The following KLRD1 variants were observed in gnomAD, a reference collection of about 807,000 sequenced individuals.
KLRD1 encodes the protein natural killer cells antigen CD94.
KLRD1 carries 21 observed loss-of-function variants against 22.6 expected under a neutral mutation model. The observed-to-expected ratio is 0.93, with a 90% confidence interval of 0.66 to 1.34. The LOEUF is 1.34. Ranked by LOEUF, KLRD1 falls within the 40% of genes most tolerant of loss-of-function variation. The pLI is 0.00. For synonymous variants in KLRD1, 59 were observed against 71.1 expected, an observed-to-expected ratio of 0.83 and a Z score of 0.85; for missense variants, 183 against 208.6, an observed-to-expected ratio of 0.88 and a Z score of 0.76.
At position 10,317,416 on chromosome 12, in the gene KLRD1, G is replaced by C. The variant is rs1950256105; in HGVS notation, c.*2623G>C. On this transcript the variant is annotated 3_prime_UTR_variant, in exon 6 of 6. Transcript: ENST00000336164. ...TGAGTCTGCCTTTCTTCATGGTCCA[G>C]GATATGGGCCATGTGCTAAACTATT... The C allele has an allele frequency of 6.6e-6, 1 of 152,294 alleles. No individual in the cohort carries two copies. Among genetic ancestry groups the C allele is most frequent in the South Asian group, 2.1e-4 (1 of 4,820 alleles). 9.4% of individuals were successfully genotyped at this position (152,294 alleles called of 1,614,324 possible).
In KLRD1 at chr12:10,309,840, T is replaced by G. The variant is rs2137696329; in HGVS notation, c.163+152T>G. 1.1e-5 allele frequency: 7 copies of G among 617,394 alleles called. No homozygotes were observed. The East Asian group carries it at 1.9e-4, about 17-fold the overall frequency. 38.2% of individuals were successfully genotyped at this position (617,394 alleles called of 1,614,324 possible). A position where few individuals can be genotyped will look rare whatever the true frequency, so the allele number is the denominator to read the frequency against. On this transcript the variant is annotated intron_variant, in intron 3 of 5. Coordinates refer to ENST00000336164, the MANE Select transcript of KLRD1 (RefSeq NM_002262.5). ...TAGTCTCATTTTACATTGCTCAATCTAATGTAAAAATGATTAAATTACACT... is the reference window on the plus strand; with the variant it reads ...TAGTCTCATTTTACATTGCTCAATCGAATGTAAAAATGATTAAATTACACT...
upstream of KLRD1, among the ~76,000 whole-genome samples, chr12:10,301,524 G>A (rs1024825636): frequency 6.6e-6 from 1 of 152,054 alleles, no homozygotes; most frequent in African/African-American, 2.4e-5. Flanking sequence ...AAATATTTGG[G>A]GCTTGAGAAT....
At chr12:10,306,584 G>GA (rs1333627654), upstream of KLRD1, among the ~76,000 whole-genome samples, 1 of 152,114 alleles carries the variant, frequency 6.6e-6, no homozygotes, top group Non-Finnish European at 1.5e-5. Flanking sequence ...TTACATGGGG[G>GA]AAAAATAGTA....
At chr12:10,271,215 T>A (rs11053722) in intron 1 of KLRD1, among the ~76,000 whole-genome samples, 1 of 152,038 alleles carries the variant, frequency 6.6e-6, no homozygotes. Context: ...TAAAAGTTAC[T>A]TCATCGTGTT....
chr12:10,304,478 T>C (rs1949894455), upstream of KLRD1: 2 of 152,152 alleles, frequency 1.3e-5, no homozygotes, highest in Admixed American at 1.3e-4. Context: ...TGGAGTGCAA[T>C]GGTGCGATCT....
intron 1 of KLRD1, among the ~76,000 whole-genome samples, chr12:10,285,674 A>T (rs1949694785): frequency 6.6e-6 from 1 of 152,198 alleles, no homozygotes; most frequent in Non-Finnish European, 1.5e-5. Flanking sequence ...CATTATCCGA[A>T]GAAAATTCCA....
upstream of KLRD1, among the ~76,000 whole-genome samples, chr12:10,302,148 G>A (rs915983134): frequency 3.3e-5 from 5 of 152,248 alleles, no homozygotes; most frequent in Non-Finnish European, 4.4e-5. Context: ...AAAATGTGAC[G>A]GAGAGACATG....
chr12:10,248,820 A>G (rs1211572538), intron 1 of KLRD1, among the ~76,000 whole-genome samples: 1 of 147,302 alleles, frequency 6.8e-6, no homozygotes, highest in African/African-American at 2.5e-5. Flanking sequence ...CTGGTCTTGA[A>G]CTCCTGACCT....
chr12:10,308,224 C>T (rs559535829), intron 1 of KLRD1, 140 bp downstream of exon 1: 26 of 672,436 alleles, frequency 3.9e-5, no homozygotes, highest in Admixed American at 5.0e-5. Context: ...TTAGCACTTT[C>T]CACATTCATT....
chr12:10,293,225 T>C (rs1188557060), intron 1 of KLRD1, among the ~76,000 whole-genome samples: 1 of 128,196 alleles, frequency 7.8e-6, no homozygotes, highest in East Asian at 2.5e-4. Flanking sequence ...TTTCTTCAAG[T>C]ACTCTTTCTT....
At chr12:10,275,247 T>C (rs573874542) in intron 1 of KLRD1, among the ~76,000 whole-genome samples, 1 of 152,310 alleles carries the variant, frequency 6.6e-6, no homozygotes, top group Non-Finnish European at 1.5e-5. Context: ...GGTACTTTGC[T>C]TGTGTGCTTA....
intron 1 of KLRD1, among the ~76,000 whole-genome samples, chr12:10,275,355 A>G (rs1055636012): frequency 2.6e-5 from 4 of 152,192 alleles, no homozygotes; most frequent in African/African-American, 9.6e-5. Context: ...GTTCTAGAGA[A>G]CATTACAAAT....
At chr12:10,257,159 A>T (rs74062134) in intron 1 of KLRD1, among the ~76,000 whole-genome samples, 4,931 of 63,838 alleles carry the variant, frequency 0.077, 306 homozygotes, top group African/African-American at 0.25. Flanking sequence ...TTTTTTTTTT[A>T]AGATTTGCTG....
At chr12:10,302,085 G>T (rs1949871173), upstream of KLRD1, among the ~76,000 whole-genome samples, 1 of 152,116 alleles carries the variant, frequency 6.6e-6, no homozygotes, top group Non-Finnish European at 1.5e-5. Flanking sequence ...ATCACAGATT[G>T]CCATAAGATA....
At chr12:10,250,632 A>G (rs1032159060) in intron 1 of KLRD1, among the ~76,000 whole-genome samples, 1 of 151,776 alleles carries the variant, frequency 6.6e-6, no homozygotes, top group Non-Finnish European at 1.5e-5. Flanking sequence ...TAATTTTTGT[A>G]TTTGTCCCAA....
chr12:10,277,677 A>T (rs1404794457), intron 1 of KLRD1, among the ~76,000 whole-genome samples: 1 of 152,236 alleles, frequency 6.6e-6, no homozygotes, highest in African/African-American at 2.4e-5. Context: ...ATTAAAATGT[A>T]TTTGAATACA....
At chr12:10,307,457 A>T (rs574966500), upstream of KLRD1, among the ~76,000 whole-genome samples, 41 of 152,296 alleles carry the variant, frequency 2.7e-4, no homozygotes, top group African/African-American at 8.4e-4. Flanking sequence ...CAAATTACTT[A>T]GCTCTGTATG....
At chr12:10,293,173 T>TATATATATGTGTATATATATATAC (rs1172260692) in intron 1 of KLRD1, among the ~76,000 whole-genome samples, 3 of 17,350 alleles carry the variant, frequency 1.7e-4, no homozygotes, top group Non-Finnish European at 4.8e-4. Flanking sequence ...TATATACACA[T>TATATATATGTGTATATATATATAC]ATACACATAA....
intron 1 of KLRD1, among the ~76,000 whole-genome samples, chr12:10,289,779 T>C (rs1185012391): frequency 2.0e-5 from 3 of 152,184 alleles, no homozygotes; most frequent in African/African-American, 7.2e-5. Context: ...ATTGAATTTG[T>C]AATTTTTTTT....
Sources: gnomAD v4.1 joint callset for allele counts (sites outside exome capture counted in the v4.1 genomes callset) on GRCh38, gnomAD v4.1.1 for gene constraint, MANE v1.5 for transcripts, NCBI Gene and HGNC (gene_info 2026-07-23, HGNC 2026-07-21) for gene names.